TYW1: variants seen among roughly 807,000 people sequenced by gnomAD.
The protein encoded by TYW1 is S-adenosyl-L-methionine-dependent tRNA 4-demethylwyosine synthase TYW1.
TYW1 carries 46 observed loss-of-function variants against 96.2 expected under a neutral mutation model. The observed-to-expected ratio is 0.48, with a 90% CI of 0.38 to 0.61. The LOEUF (loss-of-function observed/expected upper bound fraction) is 0.61, where lower values mean the gene tolerates loss of function less well. Among genes scored for constraint, TYW1 ranks in the 20% least tolerant of loss-of-function variants. The probability of loss-of-function intolerance (pLI) is 0.00; values close to 1 mark genes in which losing one functional copy is unlikely to be tolerated. For missense variants in TYW1, 684 were observed against 909.6 expected, an observed-to-expected ratio of 0.75 and a Z score of 3.19; for synonymous variants, 274 against 323.0, an observed-to-expected ratio of 0.85 and a Z score of 1.63.
In TYW1 at chr7:67,195,276, C is replaced by T; in HGVS notation, c.1916C>T (p.Pro639Leu). 6.2e-7 allele frequency: 1 copy of T among 1,610,588 alleles called. No individual in the cohort carries two copies. The highest frequency in any genetic ancestry group is 8.5e-7 in the Non-Finnish European group (1 of 1,177,984). ...QFVHELVDLI[P>L]EYEIACEHEH... is the part of the protein sequence containing the mutation. ...GTCCACGAGTTGGTGGATCTGATCC[C>T]CGAATATGAAATTGCATGTGAACAC... is the stretch of plus-strand genomic sequence containing the variant. Residue 639 changes from proline (P) to leucine (L), a missense_variant, in exon 15 of 16, where the codon CCC becomes CTC. Coordinates refer to ENST00000359626, the MANE Select transcript of TYW1 (RefSeq NM_018264.4).
At chr7:67,229,952 T>TAAAAC (rs10629909) in intron 15 of TYW1, among the ~76,000 whole-genome samples, 3,656 of 152,232 alleles carry the variant, frequency 0.024, 51 homozygotes, top group Admixed American at 0.046. Context: ...ACCCTGTCTC[T>TAAAAC]AAAACAAAAC....
chr7:67,142,621 A>G (rs1423754090), intron 13 of TYW1, among the ~76,000 whole-genome samples: 1 of 151,798 alleles, frequency 6.6e-6, no homozygotes. Flanking sequence ...TTTAAGAGGC[A>G]GGGTTTCGCC....
chr7:67,008,645 C>T (rs1262333363), intron 3 of TYW1, among the ~76,000 whole-genome samples: 1 of 152,100 alleles, frequency 6.6e-6, no homozygotes, highest in East Asian at 1.9e-4. Flanking sequence ...ATTCTTTTCA[C>T]TCTTCACTCT....
At chr7:67,159,942 A>G (rs1161026651) in intron 13 of TYW1, among the ~76,000 whole-genome samples, 1 of 151,316 alleles carries the variant, frequency 6.6e-6, no homozygotes, top group African/African-American at 2.4e-5. Context: ...CTGGGACTAC[A>G]GGCGCCCGCC....
chr7:67,129,208 A>G (rs1246511713), intron 13 of TYW1, among the ~76,000 whole-genome samples: 2 of 152,198 alleles, frequency 1.3e-5, no homozygotes, highest in Non-Finnish European at 2.9e-5. Flanking sequence ...TTCTGGTTAA[A>G]TCGTTTCTCC....
intron 13 of TYW1, among the ~76,000 whole-genome samples, chr7:67,178,004 G>GA (rs575371772): frequency 0.28 from 34,916 of 124,478 alleles, 4,794 homozygotes; most frequent in African/African-American, 0.38. Context: ...AAAAAAAAAA[G>GA]AAAAAAAAAA....
chr7:67,023,204 C>T (rs1794336296), intron 6 of TYW1, among the ~76,000 whole-genome samples: 1 of 152,034 alleles, frequency 6.6e-6, no homozygotes, highest in Non-Finnish European at 1.5e-5. Flanking sequence ...TCAAGCAATT[C>T]TCCTGTCTCA....
intron 13 of TYW1, among the ~76,000 whole-genome samples, chr7:67,136,787 C>T (rs1798273853): frequency 6.6e-6 from 1 of 151,868 alleles, no homozygotes; most frequent in African/African-American, 2.4e-5. Context: ...TTCCAGTTGA[C>T]TTAGTGATGG....
chr7:67,048,048 A>C (rs1795242764), intron 7 of TYW1, among the ~76,000 whole-genome samples: 1 of 145,888 alleles, frequency 6.9e-6, no homozygotes, highest in African/African-American at 2.5e-5. Flanking sequence ...TCGGCCTCCC[A>C]TAGTGCTCGG....
chr7:67,146,617 A>G (rs1383559309), intron 13 of TYW1, among the ~76,000 whole-genome samples: 1 of 152,242 alleles, frequency 6.6e-6, no homozygotes, highest in Non-Finnish European at 1.5e-5. Flanking sequence ...ACAATTATAG[A>G]TACTTGTAAG....
intron 13 of TYW1, among the ~76,000 whole-genome samples, chr7:67,173,509 G>A (rs1187494321): frequency 2.0e-5 from 3 of 152,204 alleles, no homozygotes; most frequent in Non-Finnish European, 4.4e-5. Context: ...TCAATCAAGT[G>A]GCACACAACA....
chr7:67,030,308 G>A (rs1412852605), intron 7 of TYW1, among the ~76,000 whole-genome samples: 1 of 152,094 alleles, frequency 6.6e-6, no homozygotes, highest in Non-Finnish European at 1.5e-5. Context: ...GTTTTTTGAA[G>A]CTGTGTACCA....
At chr7:67,196,633 A>G (rs1800403247) in intron 15 of TYW1, among the ~76,000 whole-genome samples, 1 of 145,448 alleles carries the variant, frequency 6.9e-6, no homozygotes, top group Admixed American at 6.9e-5. Context: ...GGCTGTGTCA[A>G]ACTGGAATCA....
chr7:67,073,851 G>GGC (rs1796120467), intron 10 of TYW1, among the ~76,000 whole-genome samples: 2 of 151,182 alleles, frequency 1.3e-5, no homozygotes, highest in South Asian at 4.2e-4. Flanking sequence ...GGGAGGCTGA[G>GGC]GCGGGCAGAT....
intron 13 of TYW1, among the ~76,000 whole-genome samples, chr7:67,133,907 C>A (rs1178511012): frequency 6.6e-6 from 1 of 151,766 alleles, no homozygotes; most frequent in African/African-American, 2.4e-5. Flanking sequence ...TCCTTCAGGA[C>A]TCCACTCAAA....
chr7:67,014,038 C>T (rs1283648773), intron 4 of TYW1, among the ~76,000 whole-genome samples: 5 of 152,054 alleles, frequency 3.3e-5, no homozygotes, highest in East Asian at 1.9e-4. Context: ...CCACCGCACC[C>T]GGCCTGTATT....
At chr7:67,111,748 A>G (rs1430191854) in intron 12 of TYW1, among the ~76,000 whole-genome samples, 1 of 152,230 alleles carries the variant, frequency 6.6e-6, no homozygotes, top group African/African-American at 2.4e-5. Flanking sequence ...CACTTGTTAA[A>G]TAACCAGAAT....
In TYW1 at chr7:67,098,525, T is replaced by G. The variant is rs1387551676; in HGVS notation, c.1385-16T>G. Reference sequence around the variant, plus strand: ...TGTGCCTTATGTAGCTGGGTCCTTCTCACTGTATTCTCCAGGAGTACCGGG... The same window carrying G: ...TGTGCCTTATGTAGCTGGGTCCTTCGCACTGTATTCTCCAGGAGTACCGGG... On this transcript the variant is annotated splice_polypyrimidine_tract_variant and intron_variant, in intron 11 of 15. Coordinates refer to ENST00000359626, the MANE Select transcript of TYW1 (RefSeq NM_018264.4). The G allele has an allele frequency of 5.8e-6, 9 of 1,550,488 alleles. No homozygotes were observed. Among genetic ancestry groups the G allele is most frequent in the Non-Finnish European group, 7.9e-6 (9 of 1,144,798 alleles).
chr7:67,094,989 G>T (rs1796847920), intron 11 of TYW1, among the ~76,000 whole-genome samples: 1 of 150,132 alleles, frequency 6.7e-6, no homozygotes, highest in Non-Finnish European at 1.5e-5. Flanking sequence ...TGAAAATGCT[G>T]TATAAACTGC....
Sources: gnomAD v4.1 joint callset for allele counts (sites outside exome capture counted in the v4.1 genomes callset) on GRCh38, gnomAD v4.1.1 for gene constraint, MANE v1.5 for transcripts, NCBI Gene and HGNC (gene_info 2026-07-23, HGNC 2026-07-21) for gene names.